The following EPHA6 variants were observed in gnomAD, a reference collection of about 807,000 sequenced individuals.
The protein encoded by EPHA6 is ephrin type-A receptor 6.
A neutral mutation model predicts 112.0 loss-of-function variants in EPHA6; 50 were observed. The ratio of observed to expected loss-of-function variants is 0.45; its 90% CI spans 0.36 to 0.56. The LOEUF is 0.56. Among genes scored for constraint, EPHA6 ranks in the 20% least tolerant of loss-of-function variants. EPHA6 has a pLI of 0.00. For synonymous variants in EPHA6, 529 were observed against 490.7 expected (o/e 1.08, Z -1.03); for missense variants, 1,280 against 1,417.4 (o/e 0.90, Z 1.56).
intron 2 of EPHA6, among the ~76,000 whole-genome samples, chr3:96,906,843 G>A (rs1399532721): frequency 6.6e-6 from 1 of 151,922 alleles, no homozygotes; most frequent in Non-Finnish European, 1.5e-5. Context: ...CCAGACCAAG[G>A]GAAGAGGGGA....
intron 3 of EPHA6, among the ~76,000 whole-genome samples, chr3:97,071,414 T>C (rs937760241): frequency 6.6e-6 from 1 of 151,952 alleles, no homozygotes; most frequent in African/African-American, 2.4e-5. Context: ...TACCATAGAC[T>C]GGGAAGAAAA....
intron 2 of EPHA6, among the ~76,000 whole-genome samples, chr3:96,920,961 C>T (rs1250698906): frequency 6.6e-6 from 1 of 151,938 alleles, no homozygotes; most frequent in Non-Finnish European, 1.5e-5. Context: ...TCAGAGAACC[C>T]TACAAGTTAT....
At chr3:97,573,780 G>C (rs2093356853) in intron 11 of EPHA6, among the ~76,000 whole-genome samples, 1 of 152,056 alleles carries the variant, frequency 6.6e-6, no homozygotes, top group African/African-American at 2.4e-5. Context: ...TTTATCATTT[G>C]TATTGCCACA....
chr3:97,120,365 G>GT (rs959091950), intron 3 of EPHA6, among the ~76,000 whole-genome samples: 28 of 150,876 alleles, frequency 1.9e-4, no homozygotes, highest in African/African-American at 2.9e-4. Flanking sequence ...TTGATGTGCA[G>GT]TTTTTTTTTA....
At chr3:97,128,093 A>G (rs1464455175) in intron 3 of EPHA6, among the ~76,000 whole-genome samples, 2 of 152,018 alleles carry the variant, frequency 1.3e-5, no homozygotes, top group African/African-American at 2.4e-5. Context: ...TCCTACTTAC[A>G]AGTGAGAGCA....
chr3:97,003,795 C>G (rs1325301165), intron 3 of EPHA6, among the ~76,000 whole-genome samples: 2 of 145,974 alleles, frequency 1.4e-5, no homozygotes, highest in East Asian at 4.2e-4. Flanking sequence ...CTCACCCCCC[C>G]ACCCCACAAC....
At chr3:97,270,764 G>A (rs2079851251) in intron 5 of EPHA6, among the ~76,000 whole-genome samples, 2 of 152,200 alleles carry the variant, frequency 1.3e-5, no homozygotes, top group African/African-American at 4.8e-5. Flanking sequence ...CTCCAGCACA[G>A]TAACTACAAA....
intron 3 of EPHA6, among the ~76,000 whole-genome samples, chr3:96,998,320 A>G (rs541422051): frequency 3.3e-5 from 5 of 151,964 alleles, no homozygotes; most frequent in Non-Finnish European, 7.4e-5. Context: ...ATGTATATAT[A>G]TGCAATAGTT....
chr3:96,934,665 T>C (rs541659475), intron 2 of EPHA6, among the ~76,000 whole-genome samples: 86 of 151,280 alleles, frequency 5.7e-4, no homozygotes, highest in Non-Finnish European at 1.0e-3. Context: ...TTATATTGTT[T>C]ACATTATTTA....
At chr3:97,285,055 G>C (rs562004370) in intron 5 of EPHA6, among the ~76,000 whole-genome samples, 1 of 152,070 alleles carries the variant, frequency 6.6e-6, no homozygotes, top group East Asian at 1.9e-4. Context: ...CTGGAATACC[G>C]CCATCTGATA....
intron 14 of EPHA6, among the ~76,000 whole-genome samples, chr3:97,692,722 A>G (rs1200161774): frequency 6.6e-6 from 1 of 152,212 alleles, no homozygotes; most frequent in Non-Finnish European, 1.5e-5. Flanking sequence ...CTGAAACATT[A>G]TGTTTTTCAT....
chr3:96,970,923 T>A lies in EPHA6; in HGVS notation c.451-16407T>A, dbSNP rs114898695. Among the ~76,000 whole-genome samples, 113 of 152,208 alleles carry A rather than the reference T, an allele frequency of 7.4e-4. 1 individual carries two copies. Among genetic ancestry groups the A allele is most frequent in the African/African-American group, 2.6e-3 (109 of 41,564 alleles). On this transcript the variant is annotated intron_variant, in intron 2 of 17. Transcript: ENST00000389672. ...TACAAGAATCAAATTAAATGTGGTT[T>A]GTGAGATTATTTTTCTGTGCTTGCT... is the stretch of plus-strand genomic sequence containing the variant.
chr3:97,007,183 G>A (rs529530862), intron 3 of EPHA6, among the ~76,000 whole-genome samples: 2 of 152,204 alleles, frequency 1.3e-5, no homozygotes, highest in African/African-American at 4.8e-5. Context: ...TTGTTCATCT[G>A]TCTAGTACTG....
intron 1 of EPHA6, among the ~76,000 whole-genome samples, chr3:96,826,523 T>G (rs1285829726): frequency 6.6e-6 from 1 of 152,086 alleles, no homozygotes; most frequent in Non-Finnish European, 1.5e-5. Flanking sequence ...TCCTGTTCAG[T>G]GCAGTTTCTC....
At chr3:97,102,891 T>C (rs1307667828) in intron 3 of EPHA6, among the ~76,000 whole-genome samples, 1 of 152,070 alleles carries the variant, frequency 6.6e-6, no homozygotes, top group Middle Eastern at 3.2e-3. Flanking sequence ...GATATTGAGC[T>C]TTTATTCATT....
intron 15 of EPHA6, among the ~76,000 whole-genome samples, chr3:97,728,262 T>C (rs58835306): frequency 0.98 from 149,183 of 152,038 alleles, 73,213 homozygotes; most frequent in East Asian, 0.99. Flanking sequence ...GTGAAGAAAT[T>C]TCATTTTTTC....
intron 8 of EPHA6, among the ~76,000 whole-genome samples, chr3:97,476,103 T>C (rs2091363186): frequency 6.6e-6 from 1 of 152,106 alleles, no homozygotes; most frequent in African/African-American, 2.4e-5. Context: ...AATACCATAA[T>C]CCAGGTGCTG....
At chr3:96,835,928 A>T (rs866005723) in intron 1 of EPHA6, among the ~76,000 whole-genome samples, 6 of 152,126 alleles carry the variant, frequency 3.9e-5, no homozygotes, top group African/African-American at 1.4e-4. Flanking sequence ...ATGCAAAAAT[A>T]TTGCCAAGAA....
At chr3:97,077,663 G>A (rs1350238591) in intron 3 of EPHA6, among the ~76,000 whole-genome samples, 1 of 151,612 alleles carries the variant, frequency 6.6e-6, no homozygotes, top group Non-Finnish European at 1.5e-5. Context: ...CTGTCCTTGT[G>A]ATAGTTTGCT....
Sources: allele counts gnomAD v4.1 joint callset (sites outside exome capture counted in the v4.1 genomes callset), GRCh38; gene constraint gnomAD v4.1.1; transcripts MANE v1.5; gene names NCBI Gene and HGNC (gene_info 2026-07-23, HGNC 2026-07-21).